The following TMTC1 variants were observed in gnomAD, a reference collection of about 807,000 sequenced individuals.
TMTC1 encodes the protein protein O-mannosyl-transferase TMTC1.
A neutral mutation model predicts 104.8 loss-of-function variants in TMTC1; 73 were observed. That is an observed-to-expected ratio of 0.70 (90% confidence interval 0.58 to 0.85). The LOEUF is 0.85. Among genes scored for constraint, TMTC1 ranks in the 40% least tolerant of loss-of-function variants. TMTC1 has a pLI of 0.00. For synonymous variants in TMTC1, 434 were observed against 428.7 expected, an observed-to-expected ratio of 1.01 and a Z score of -0.15; for missense variants, 1,035 against 1,096.1, an observed-to-expected ratio of 0.94 and a Z score of 0.79.
At chr12:29,510,288 T>C (rs1019678725) in intron 17 of TMTC1, among the ~76,000 whole-genome samples, 5 of 152,140 alleles carry the variant, frequency 3.3e-5, no homozygotes, top group Non-Finnish European at 7.4e-5. Flanking sequence ...ACAAAAAAGA[T>C]GTAGTAAAAA....
intron 9 of TMTC1, among the ~76,000 whole-genome samples, chr12:29,564,532 G>A (rs1945457379): frequency 6.6e-6 from 1 of 152,196 alleles, no homozygotes; most frequent in East Asian, 1.9e-4. Flanking sequence ...AAAGTCAAAT[G>A]CTGCTGAGAG....
chr12:29,784,733 A>G (rs1943916266), upstream of TMTC1: 1 of 151,140 alleles, frequency 6.6e-6, no homozygotes, highest in African/African-American at 2.4e-5. Context: ...AATTTGGGAG[A>G]TGCCAAGCAA....
At chr12:29,657,362 G>A (rs1024542079) in intron 5 of TMTC1, among the ~76,000 whole-genome samples, 1 of 152,198 alleles carries the variant, frequency 6.6e-6, no homozygotes, top group African/African-American at 2.4e-5. Flanking sequence ...GATTTTGAAG[G>A]CCAGGGAGAG....
intron 10 of TMTC1, among the ~76,000 whole-genome samples, chr12:29,548,907 ATATT>A (rs1379501280): frequency 2.1e-5 from 3 of 143,962 alleles, no homozygotes; most frequent in Non-Finnish European, 4.5e-5. Context: ...AATTATTAAT[ATATT>A]TATTTACATA....
At chr12:29,538,405 T>G (rs2136207976) in intron 10 of TMTC1, among the ~76,000 whole-genome samples, 1 of 152,258 alleles carries the variant, frequency 6.6e-6, no homozygotes, top group South Asian at 2.1e-4. Context: ...CAAAAATGCA[T>G]AAATCTTTAA....
intron 11 of TMTC1, chr12:29,535,489 C>A (rs1485763235): frequency 6.6e-6 from 1 of 152,194 alleles, no homozygotes; most frequent in Non-Finnish European, 1.5e-5. Flanking sequence ...TCACTTATTA[C>A]CCTTAAGCCA....
intron 5 of TMTC1, among the ~76,000 whole-genome samples, chr12:29,701,968 C>G (rs1325697956): frequency 1.3e-5 from 2 of 152,108 alleles, no homozygotes; most frequent in Non-Finnish European, 2.9e-5. Flanking sequence ...ATGTGTTTCC[C>G]TAATACAATT....
At chr12:29,510,933 C>A (rs1943816201) in intron 17 of TMTC1, among the ~76,000 whole-genome samples, 2 of 152,120 alleles carry the variant, frequency 1.3e-5, no homozygotes, top group African/African-American at 4.8e-5. Flanking sequence ...ATTTCCTTTT[C>A]TTTGCTCTCT....
At chr12:29,671,849 G>A (rs999035230) in intron 5 of TMTC1, among the ~76,000 whole-genome samples, 1 of 152,138 alleles carries the variant, frequency 6.6e-6, no homozygotes, top group Non-Finnish European at 1.5e-5. Flanking sequence ...AAAGACCTAG[G>A]CCTGAAGAGA....
In TMTC1 at chr12:29,619,503, C is replaced by A. The variant is rs961563941; in HGVS notation, c.1128+13644G>T. 8.5e-5 allele frequency among the ~76,000 whole-genome samples: 13 copies of A among 152,316 alleles called. 1 individual carries two copies. The highest frequency in any genetic ancestry group is 8.5e-4 in the Admixed American group (13 of 15,304). Reference sequence around the variant, plus strand: ...CACTGATTTTCAGGTAGCTGCTGAACAAAGGGTTGCATTTCTAGTGTCCAC... The same window carrying A: ...CACTGATTTTCAGGTAGCTGCTGAAAAAAGGGTTGCATTTCTAGTGTCCAC... On this transcript the variant is annotated intron_variant, in intron 6 of 17. Transcript: ENST00000539277.
intron 9 of TMTC1, among the ~76,000 whole-genome samples, chr12:29,571,015 A>G (rs7310555): frequency 0.22 from 33,728 of 151,970 alleles, 3,895 homozygotes; most frequent in East Asian, 0.38. Flanking sequence ...TGTAAATGTA[A>G]CAATGACACT....
Position 29,505,587 on chromosome 12 carries a change from AGAGT to A in TMTC1, c.*1255_*1258del, listed in dbSNP as rs1360507218. 3 of 152,212 alleles carry A rather than the reference AGAGT, an allele frequency of 2.0e-5. No homozygotes were observed. Among genetic ancestry groups the A allele is most frequent in the Non-Finnish European group, 2.9e-5 (2 of 68,034 alleles). 9.4% of individuals were successfully genotyped at this position (152,212 alleles called of 1,614,324 possible). Reference sequence around the variant, plus strand: ...AACCACTTTGTACAGAGAAAAAAGAAGAGTGTGTATGTATATATTAAATATTTTA... The same window carrying A: ...AACCACTTTGTACAGAGAAAAAAGAAGTGTATGTATATATTAAATATTTTA... On this transcript the variant is annotated 3_prime_UTR_variant, in exon 18 of 18. Coordinates refer to ENST00000539277, the MANE Select transcript of TMTC1 (RefSeq NM_001193451.2).
chr12:29,584,963 G>A (rs1252155262), intron 7 of TMTC1, among the ~76,000 whole-genome samples: 2 of 149,776 alleles, frequency 1.3e-5, no homozygotes, highest in East Asian at 1.9e-4. Context: ...CCAGTAATGG[G>A]ATGGCTGGGT....
chr12:29,694,888 C>T (rs987498662), intron 5 of TMTC1, among the ~76,000 whole-genome samples: 21 of 152,102 alleles, frequency 1.4e-4, no homozygotes, highest in African/African-American at 5.1e-4. Flanking sequence ...TGCAGTGAGC[C>T]TTGCCATTGC....
At chr12:29,655,885 G>C (rs187726186) in intron 5 of TMTC1, among the ~76,000 whole-genome samples, 9 of 152,180 alleles carry the variant, frequency 5.9e-5, no homozygotes, top group Admixed American at 1.3e-4. Context: ...ACTCTCACCC[G>C]ATAATAACTT....
At chr12:29,636,385 T>C (rs1938549709) in intron 5 of TMTC1, among the ~76,000 whole-genome samples, 1 of 152,244 alleles carries the variant, frequency 6.6e-6, no homozygotes, top group African/African-American at 2.4e-5. Context: ...TATTATTTAA[T>C]TTTGAGTTTA....
intron 7 of TMTC1, among the ~76,000 whole-genome samples, chr12:29,583,961 A>C (rs1359926657): frequency 6.6e-6 from 1 of 152,144 alleles, no homozygotes; most frequent in Non-Finnish European, 1.5e-5. Context: ...CTATGCGCCT[A>C]AATTCGGAGT....
intron 5 of TMTC1, among the ~76,000 whole-genome samples, chr12:29,700,498 C>A (rs2136793918): frequency 6.6e-6 from 1 of 152,220 alleles, no homozygotes; most frequent in East Asian, 1.9e-4. Context: ...CCGCACCAGG[C>A]CTTGGATAGT....
chr12:29,647,321 C>CA (rs1939311323), intron 5 of TMTC1, among the ~76,000 whole-genome samples: 1 of 152,068 alleles, frequency 6.6e-6, no homozygotes, highest in African/African-American at 2.4e-5. Context: ...TGCCCTGCCC[C>CA]AAAAAACATG....
Sources: gnomAD v4.1 joint callset for allele counts (sites outside exome capture counted in the v4.1 genomes callset) on GRCh38, gnomAD v4.1.1 for gene constraint, MANE v1.5 for transcripts, NCBI Gene and HGNC (gene_info 2026-07-23, HGNC 2026-07-21) for gene names.